The following SZRD1 variants were observed in gnomAD, a reference collection of about 807,000 sequenced individuals.
SZRD1 encodes SUZ RNA binding domain containing 1, also known as SUZ RNA-binding domain-containing.
In SZRD1, 7 loss-of-function variants were observed where a neutral mutation model predicts 17.6. The ratio of observed to expected loss-of-function variants is 0.40; its 90% CI spans 0.23 to 0.75. The LOEUF (loss-of-function observed/expected upper bound fraction) is 0.75. SZRD1 is among the 30% of genes least tolerant of loss of function. The pLI is 0.38. For missense variants in SZRD1, 178 were observed against 201.8 expected (o/e 0.88, Z 0.71); for synonymous variants, 77 against 77.9 (o/e 0.99, Z 0.06).
intron 2 of SZRD1, among the ~76,000 whole-genome samples, chr1:16,392,497 G>A (rs1052168275): frequency 1.3e-5 from 2 of 152,130 alleles, no homozygotes; most frequent in African/African-American, 2.4e-5. Context: ...GCGTCCACCA[G>A]CCTTGGACAA....
intron 1 of SZRD1, among the ~76,000 whole-genome samples, chr1:16,379,093 C>A (rs185448746): frequency 5.2e-4 from 79 of 151,986 alleles, no homozygotes; most frequent in Non-Finnish European, 1.3e-4. Flanking sequence ...ATTTTTGCTT[C>A]CCCTTCTTGA....
chr1:16,394,729 C>T (rs1010370126), intron 3 of SZRD1, among the ~76,000 whole-genome samples: 2 of 152,004 alleles, frequency 1.3e-5, no homozygotes, highest in Non-Finnish European at 2.9e-5. Flanking sequence ...CCGAGGTGGA[C>T]GGATCACTTG....
intron 1 of SZRD1, among the ~76,000 whole-genome samples, chr1:16,379,640 C>G (rs903537206): frequency 2.0e-5 from 3 of 152,106 alleles, no homozygotes; most frequent in African/African-American, 7.2e-5. Flanking sequence ...AGATCCAGTT[C>G]AAATTCTGGC....
In SZRD1 at chr1:16,387,710, T is replaced by C. The variant is rs572382080; in HGVS notation, c.52-3665T>C. 8.8e-6 allele frequency: 4 copies of C among 456,716 alleles called. No individual in the cohort carries two copies. The Admixed American group carries it at 9.4e-5, about 11-fold the overall frequency. The allele number at this position is 456,716 out of a possible 1,614,324, so 28.3% of individuals were successfully genotyped here. On this transcript the variant is annotated intron_variant, in intron 1 of 3. Transcript: ENST00000401088. ...TCTGTTTATGATGGAGAAACTCGAA[T>C]AGGCAGTCTTGTATTTAGAGTGGAG...
At chr1:16,382,913 T>C (rs547597108) in intron 1 of SZRD1, among the ~76,000 whole-genome samples, 28 of 151,852 alleles carry the variant, frequency 1.8e-4, no homozygotes, top group African/African-American at 5.6e-4. Context: ...TCCCCCCTGC[T>C]AGAGTACAAT....
chr1:16,367,382 T>C, intron 1 of SZRD1, 74 bp downstream of exon 1: 3 of 1,407,452 alleles, frequency 2.1e-6, no homozygotes, highest in Non-Finnish European at 2.9e-6. Flanking sequence ...GGAGCGGGTC[T>C]GGAGATAGTT....
At chr1:16,380,644 T>C (rs1430997458) in intron 1 of SZRD1, among the ~76,000 whole-genome samples, 1 of 152,168 alleles carries the variant, frequency 6.6e-6, no homozygotes. Context: ...AATTTTGTAT[T>C]TTCCGTAGAG....
Position 16,394,964 on chromosome 1 carries a change from TAAAA to T in SZRD1, c.357-71_357-68del, listed in dbSNP as rs1004660187. On this transcript the variant is annotated intron_variant, in intron 3 of 3. Coordinates refer to ENST00000401088, the MANE Select transcript of SZRD1 (RefSeq NM_001114600.3). ...AATGAGACTCCGTCTCAAAAATAAATAAAAAATAAAGAAATGATGGGGGACATCT... is the reference window on the plus strand; with the variant it reads ...AATGAGACTCCGTCTCAAAAATAAATAATAAAGAAATGATGGGGGACATCT... 26 of 920,422 alleles carry T rather than the reference TAAAA, an allele frequency of 2.8e-5. No homozygotes were observed. In the Admixed American group the frequency reaches 6.1e-4, roughly 21 times the overall value. 57.0% of individuals were successfully genotyped at this position (920,422 alleles called of 1,614,324 possible). A position where few individuals can be genotyped will look rare whatever the true frequency, so the allele number is the denominator to read the frequency against.
In SZRD1 at chr1:16,396,340, G is replaced by C. The variant is rs2085311087; in HGVS notation, c.*1200G>C. The C allele has an allele frequency of 6.6e-6, 1 of 152,226 alleles. No individual in the cohort carries two copies. Among genetic ancestry groups the C allele is most frequent in the Non-Finnish European group, 1.5e-5 (1 of 68,074 alleles). The allele number at this position is 152,226 out of a possible 1,614,324, so 9.4% of individuals were successfully genotyped here. A position where few individuals can be genotyped will look rare whatever the true frequency, so the allele number is the denominator to read the frequency against. ...GTGTGCAATCAGTACCTTGAAGGCA[G>C]AACATTCTGAATAAAGTTGGAAAAA... is the stretch of plus-strand genomic sequence containing the variant. On this transcript the variant is annotated 3_prime_UTR_variant, in exon 4 of 4. Coordinates refer to ENST00000401088, the MANE Select transcript of SZRD1 (RefSeq NM_001114600.3).
chr1:16,393,326 C>T lies in SZRD1; in HGVS notation c.200C>T (p.Thr67Ile), dbSNP rs1397135043. Residue 67 changes from threonine (T) to isoleucine (I), a missense_variant, in exon 3 of 4, where the codon ACC (threonine) becomes ATC (isoleucine). Around this residue, in one of 3 missense-constraint regions of SZRD1, gnomAD observed 117 missense variants for 108.7 expected, o/e 1.08. Coordinates refer to ENST00000401088, the MANE Select transcript of SZRD1 (RefSeq NM_001114600.3). The surrounding 1 kb of genome is among the most constrained non-coding windows in gnomAD (Gnocchi z 5.6). ...PPQIRILKRP[T>I]SNGVVSSPNS... ...CAGATCCGCATCCTCAAGAGGCCCA[C>T]CAGCAACGGTGTGGTCAGCAGCCCC... 5 of 1,614,216 alleles carry T rather than the reference C, an allele frequency of 3.1e-6. No individual in the cohort carries two copies. The highest frequency in any genetic ancestry group is 4.2e-6 in the Non-Finnish European group (5 of 1,180,042).
chr1:16,379,182 C>T (rs1035965068), intron 1 of SZRD1, among the ~76,000 whole-genome samples: 8 of 152,002 alleles, frequency 5.3e-5, no homozygotes, highest in Non-Finnish European at 7.4e-5. Flanking sequence ...TGCAGTGGCA[C>T]GATCTTGGCT....
At chr1:16,386,387 A>G (rs941604922) in intron 1 of SZRD1, among the ~76,000 whole-genome samples, 2 of 152,198 alleles carry the variant, frequency 1.3e-5, no homozygotes, top group Non-Finnish European at 1.5e-5. Context: ...GCCTGCATCT[A>G]GATGCTTCCC....
At chr1:16,376,739 G>A (rs141443574) in intron 1 of SZRD1, among the ~76,000 whole-genome samples, 3,991 of 150,700 alleles carry the variant, frequency 0.026, 178 homozygotes, top group African/African-American at 0.09. Context: ...TTGGGAGGCA[G>A]AGGTTGCAAT....
At chr1:16,379,200 A>G (rs2083052780) in intron 1 of SZRD1, among the ~76,000 whole-genome samples, 1 of 151,672 alleles carries the variant, frequency 6.6e-6, no homozygotes, top group South Asian at 2.1e-4. Flanking sequence ...GCTCACTGCA[A>G]GCTCCGCCTC....
In SZRD1 at chr1:16,393,202, G is replaced by T; in HGVS notation, c.102-26G>T. 6.2e-7 allele frequency: 1 copy of T among 1,610,242 alleles called. No individual in the cohort carries two copies. The highest frequency in any genetic ancestry group is 8.5e-7 in the Non-Finnish European group (1 of 1,177,038). ...GCCTCCTTAGTCAGGAGCATGATTT[G>T]TGAAGCTGTGTTTGCTCTTTGTCAG... On this transcript the variant is annotated intron_variant, in intron 2 of 3. Coordinates refer to ENST00000401088, the MANE Select transcript of SZRD1 (RefSeq NM_001114600.3). This position sits in a 1 kb window ranked among gnomAD's most constrained non-coding sequence, Gnocchi z 5.6.
Position 16,393,485 on chromosome 1 carries a change from G to T in SZRD1, c.356+3G>T. On this transcript the variant is annotated splice_donor_region_variant and intron_variant, in intron 3 of 3. Coordinates refer to ENST00000401088, the MANE Select transcript of SZRD1 (RefSeq NM_001114600.3). The surrounding 1 kb of genome is among the most constrained non-coding windows in gnomAD (Gnocchi z 5.6). ...CAGGAGAAACCCATCCTCGACAGGT[G>T]AGTGTGGCTGGCAGGGCCGGCCAGT... 1 of 1,606,230 alleles carries T rather than the reference G, an allele frequency of 6.2e-7. No homozygotes were observed.
In SZRD1 at chr1:16,380,927, T is replaced by A. The variant is rs1220435834; in HGVS notation, c.52-10448T>A. ...CAGCCCCTCATCTTTTTTTTTTTTT[T>A]AAAGAAAAAAATAGCTGGGCATAGT... On this transcript the variant is annotated intron_variant, in intron 1 of 3. Transcript: ENST00000401088. Among the ~76,000 whole-genome samples, 7 of 150,232 alleles carry A rather than the reference T, an allele frequency of 4.7e-5. No individual in the cohort carries two copies. In the East Asian group the frequency reaches 7.8e-4, roughly 17 times the overall value.
chr1:16,393,466 A>G lies in SZRD1; in HGVS notation c.340A>G (p.Lys114Glu). The change falls in exon 3 of 4, where the codon AAA becomes GAA. Residue 114 changes from lysine (K) to glutamate (E), a missense_variant. Physicochemically the swap from Lys to Glu is moderately conservative, Grantham distance 56 (BLOSUM62 1). Around this residue, in one of 3 missense-constraint regions of SZRD1, gnomAD observed 57 missense variants for 71.9 expected, o/e 0.79. Coordinates refer to ENST00000401088, the MANE Select transcript of SZRD1 (RefSeq NM_001114600.3). This position sits in a 1 kb window ranked among gnomAD's most constrained non-coding sequence, Gnocchi z 5.6. ...CGCCAGCCCCGAGGAGGAGCAGGAG[A>G]AACCCATCCTCGACAGGTGAGTGTG... ...GSASPEEEQE[K>E]PILDRPTRIS... is the part of the protein sequence containing the mutation. 2.5e-6 allele frequency: 4 copies of G among 1,612,660 alleles called. No homozygotes were observed. Among genetic ancestry groups the G allele is most frequent in the Non-Finnish European group, 3.4e-6 (4 of 1,179,486 alleles).
intron 1 of SZRD1, among the ~76,000 whole-genome samples, chr1:16,371,292 A>AATCTCCACCCGCCTCAGCCT (rs1553158275): frequency 6.7e-6 from 1 of 149,262 alleles, no homozygotes; most frequent in Non-Finnish European, 1.5e-5. Context: ...TGTCTCAGGC[A>AATCTCCACCCGCCTCAGCCT]ATCTCCACCC....
Sources: allele counts gnomAD v4.1 joint callset (sites outside exome capture counted in the v4.1 genomes callset), GRCh38; gene constraint gnomAD v4.1.1; regional missense constraint gnomAD v4.1.1; non-coding constraint Gnocchi (gnomAD v3.1); transcripts MANE v1.5; gene names NCBI Gene and HGNC (gene_info 2026-07-23, HGNC 2026-07-21).